HPS5: variants seen among roughly 807,000 people sequenced by gnomAD.
HPS5 encodes the protein HPS5 biogenesis of lysosomal organelles complex 2 subunit 2, also known as BLOC-2 complex member HPS5.
In HPS5, 83 loss-of-function variants were observed where a neutral mutation model predicts 128.0. That is an observed-to-expected ratio of 0.65 (90% CI 0.54 to 0.78). The LOEUF is 0.78. Among genes scored for constraint, HPS5 ranks in the 30% least tolerant of loss-of-function variants. HPS5 has a pLI of 0.00. For synonymous variants in HPS5, 475 were observed against 470.2 expected (o/e 1.01, Z -0.13); for missense variants, 1,281 against 1,326.2 (o/e 0.97, Z 0.53).
At chr11:18,314,125 A>C (rs964171180) in intron 2 of HPS5, among the ~76,000 whole-genome samples, 2 of 152,154 alleles carry the variant, frequency 1.3e-5, no homozygotes, top group African/African-American at 4.8e-5. Context: ...TGAGGCAAGA[A>C]GACTGCCTGA....
rs576119313 is a variant in HPS5, at chr11:18,293,174, T to C, written c.1785-198A>G. On this transcript the variant is annotated intron_variant, in intron 14 of 22. Transcript: ENST00000349215. ...GCTTTCTTAGACAAATATTTCTTTT[T>C]TCTTTTTTTTTTGAGACAGAGTCAC... Among the ~76,000 whole-genome samples, 15 of 152,104 alleles carry C rather than the reference T, an allele frequency of 9.9e-5. No individual in the cohort carries two copies. In the East Asian group the frequency reaches 2.9e-3, roughly 30 times the overall value.
intron 6 of HPS5, among the ~76,000 whole-genome samples, chr11:18,307,852 G>C (rs1393462407): frequency 6.6e-6 from 1 of 152,042 alleles, no homozygotes; most frequent in Non-Finnish European, 1.5e-5. Flanking sequence ...GTCCCCAAAA[G>C]CTGAATTCTA....
chr11:18,289,339 T>G (rs1306297905), intron 16 of HPS5, among the ~76,000 whole-genome samples: 1 of 152,124 alleles, frequency 6.6e-6, no homozygotes, highest in Non-Finnish European at 1.5e-5. Flanking sequence ...CCACCTAAAT[T>G]CAAGTAAGCA....
chr11:18,321,212 A>G (rs921417354), intron 1 of HPS5, among the ~76,000 whole-genome samples: 2 of 152,198 alleles, frequency 1.3e-5, no homozygotes, highest in African/African-American at 4.8e-5. Flanking sequence ...AAAATCTGTT[A>G]TCTCCTCCCT....
intron 15 of HPS5, 52 bp downstream of exon 15, chr11:18,292,847 G>T: frequency 1.5e-6 from 2 of 1,311,052 alleles, no homozygotes; most frequent in East Asian, 2.3e-5. Flanking sequence ...GATTCACTTC[G>T]TTTACTAAAC....
intron 20 of HPS5, 125 bp downstream of exon 20, chr11:18,285,221 G>A: frequency 5.2e-6 from 3 of 576,092 alleles, no homozygotes; most frequent in Non-Finnish European, 9.1e-6. Context: ...AAAACAAAAA[G>A]GTACTTTTAA....
intron 3 of HPS5, 60 bp from the exon 4 acceptor site, chr11:18,311,511 A>ATTTTTTT (rs11376847): frequency 1.2e-4 from 63 of 531,858 alleles, no homozygotes; most frequent in East Asian, 2.1e-4. Flanking sequence ...TATTATTATT[A>ATTTTTTT]TTTTTTTTTT....
chr11:18,309,093 G>A lies in HPS5; in HGVS notation c.478-14C>T. 1.2e-6 allele frequency: 2 copies of A among 1,612,410 alleles called. No individual in the cohort carries two copies. The highest frequency in any genetic ancestry group is 2.2e-5 in the South Asian group (2 of 91,020). ...AGCAGCAGCTGCCTAAAAGGAATGT[G>A]AGAAAGAAATAAAGTTTATTTAATC... On this transcript the variant is annotated splice_polypyrimidine_tract_variant and intron_variant, in intron 5 of 22. Transcript: ENST00000349215.
At chr11:18,304,000 G>C (rs1862054448) in intron 8 of HPS5, among the ~76,000 whole-genome samples, 1 of 151,984 alleles carries the variant, frequency 6.6e-6, no homozygotes, top group African/African-American at 2.4e-5. Context: ...CAGAAATAAA[G>C]CCCTCATGGA....
chr11:18,286,842 A>G (rs1389733779), intron 18 of HPS5, 132 bp from the exon 19 acceptor site: 3 of 1,213,968 alleles, frequency 2.5e-6, no homozygotes, highest in Non-Finnish European at 3.5e-6. Context: ...CTCTTCTGCT[A>G]CAAAATGTCT....
rs138638048 is a variant in HPS5 at position 18,317,774 on chromosome 11, G to T, written c.85C>A (p.Arg29=). 88 of 1,613,732 alleles carry T rather than the reference G, an allele frequency of 5.5e-5. No individual in the cohort carries two copies. In the African/African-American group the frequency reaches 1.0e-3, roughly 19 times the overall value. The change falls in exon 2 of 23, where the codon CGG becomes AGG. Residue 29 remains arginine (R), a synonymous_variant. Transcript: ENST00000349215. ...ESLDPLLSAL[R]LDSSRLKCTS... ...ACCTTTAGACGACTGGAGTCCAGCC[G>T]CAGGGCTGAGAGTAATGGATCCAGA...
At chr11:18,320,748 ACTC>A in intron 1 of HPS5, among the ~76,000 whole-genome samples, 1 of 152,052 alleles carries the variant, frequency 6.6e-6, no homozygotes, top group East Asian at 1.9e-4. Flanking sequence ...TGAGCATAAT[ACTC>A]CTTAAGTAGT....
At chr11:18,287,223 G>C (rs1350709501) in intron 18 of HPS5, among the ~76,000 whole-genome samples, 1 of 152,172 alleles carries the variant, frequency 6.6e-6, no homozygotes, top group Non-Finnish European at 1.5e-5. Context: ...CAATAAAAAG[G>C]TGGCAGTGAA....
At chr11:18,295,324 T>C (rs1860926674) in intron 13 of HPS5, among the ~76,000 whole-genome samples, 155 bp from the exon 14 acceptor site, 1 of 152,232 alleles carries the variant, frequency 6.6e-6, no homozygotes, top group Non-Finnish European at 1.5e-5. Context: ...CAAATAATAG[T>C]ATTTCACGTA....
At position 18,291,885 on chromosome 11, in the gene HPS5, G is replaced by A. The variant is rs772527786; in HGVS notation, c.1997C>T (p.Ser666Phe). The change falls in exon 16 of 23, where the codon TCC becomes TTC. Residue 666 changes from serine (S) to phenylalanine (F), a missense_variant. By Grantham distance (155) the Ser-to-Phe change is radical (BLOSUM62 -2). Transcript: ENST00000349215. ...TAGCACATCCTGGTTCAATTTCATG[G>A]ATGAGTTGTCAGTATCTGAAACACC... ...FSGVSDTDNS[S>F]MKLNQDVLLV... The A allele has an allele frequency of 1.4e-5, 22 of 1,606,778 alleles. No homozygotes were observed. Among genetic ancestry groups the A allele is most frequent in the Non-Finnish European group, 1.7e-5 (20 of 1,176,348 alleles).
At chr11:18,305,790 T>G (rs923722326) in intron 7 of HPS5, among the ~76,000 whole-genome samples, 9 of 150,382 alleles carry the variant, frequency 6.0e-5, no homozygotes, top group Admixed American at 5.4e-4. Flanking sequence ...TGGAGTGCAG[T>G]GGCACAATCT....
At position 18,279,778 on chromosome 11, in the gene HPS5, TTGGGGG is replaced by T; in HGVS notation, c.*98_*103del. The T allele has an allele frequency of 9.1e-7, 1 of 1,093,426 alleles. No individual in the cohort carries two copies. 67.7% of individuals were successfully genotyped at this position (1,093,426 alleles called of 1,614,324 possible). A position where few individuals can be genotyped will look rare whatever the true frequency, so the allele number is the denominator to read the frequency against. ...AGTAGCCCCAATAAGATGGCAGGAT[TTGGGGG>T]TGGTGTCTTTCCTTCAATAACAAAT... On this transcript the variant is annotated 3_prime_UTR_variant, in exon 23 of 23. Transcript: ENST00000349215.
At chr11:18,291,050 C>G (rs1398893945) in intron 16 of HPS5, among the ~76,000 whole-genome samples, 2 of 152,168 alleles carry the variant, frequency 1.3e-5, no homozygotes, top group African/African-American at 4.8e-5. Context: ...AAAACCCTGT[C>G]TCTACTAAAA....
Position 18,291,519 on chromosome 11 carries a change from T to C in HPS5, c.2363A>G (p.Lys788Arg), listed in dbSNP as rs746366207. 1.2e-6 allele frequency: 2 copies of C among 1,611,984 alleles called. No homozygotes were observed. Among genetic ancestry groups the C allele is most frequent in the East Asian group, 2.2e-5 (1 of 44,864 alleles). The change falls in exon 16 of 23, where the codon AAA (lysine) becomes AGA (arginine). Residue 788 changes from lysine (K) to arginine (R), a missense_variant. Coordinates refer to ENST00000349215, the MANE Select transcript of HPS5 (RefSeq NM_181507.2). ...AAGCTTGATACTCTCCTTCGCTCTT[T>C]TCAAGTTCAGGAGAAAAAAGTACTT... ...LKKYFFLLNL[K>R]RAKESIKLSY...
Sources: allele counts gnomAD v4.1 joint callset (sites outside exome capture counted in the v4.1 genomes callset), GRCh38; gene constraint gnomAD v4.1.1; transcripts MANE v1.5; gene names NCBI Gene and HGNC (gene_info 2026-07-23, HGNC 2026-07-21).